The following NRXN1 variants were observed in gnomAD, a reference collection of about 807,000 sequenced individuals.
NRXN1 encodes the protein neurexin 1.
A neutral mutation model predicts 150.9 loss-of-function variants in NRXN1; 39 were observed. The ratio of observed to expected loss-of-function variants is 0.26; its 90% CI spans 0.20 to 0.34. The LOEUF (loss-of-function observed/expected upper bound fraction) is 0.34. Among genes scored for constraint, NRXN1 ranks in the 10% least tolerant of loss-of-function variants. NRXN1 has a pLI of 1.00. For synonymous variants in NRXN1, 924 were observed against 757.0 expected (o/e 1.22, Z -3.62); for missense variants, 1,815 against 1,949.9 (o/e 0.93, Z 1.30).
At chr2:50,657,423 C>T (rs1471543005) in intron 5 of NRXN1, among the ~76,000 whole-genome samples, 1 of 152,010 alleles carries the variant, frequency 6.6e-6, no homozygotes. Context: ...CATAGTTAAT[C>T]ACTCATGTTT....
At chr2:50,353,974 G>A (rs1272764093) in intron 17 of NRXN1, among the ~76,000 whole-genome samples, 3 of 152,138 alleles carry the variant, frequency 2.0e-5, no homozygotes, top group African/African-American at 7.2e-5. Context: ...TGCTGAAGCT[G>A]CTAGTCCAGG....
intron 5 of NRXN1, among the ~76,000 whole-genome samples, chr2:50,865,423 GA>G (rs1442338266): frequency 6.6e-6 from 1 of 151,762 alleles, no homozygotes; most frequent in Non-Finnish European, 1.5e-5. Flanking sequence ...TATAAAAAAG[GA>G]ATTGAGGCTC....
intron 5 of NRXN1, among the ~76,000 whole-genome samples, chr2:50,767,727 G>A (rs1003890248): frequency 6.6e-6 from 1 of 152,000 alleles, no homozygotes; most frequent in Non-Finnish European, 1.5e-5. Flanking sequence ...CACATGTTGA[G>A]TTTGTTCAAA....
chr2:50,312,423 G>T (rs990524998), intron 17 of NRXN1, among the ~76,000 whole-genome samples: 7 of 146,704 alleles, frequency 4.8e-5, no homozygotes, highest in Non-Finnish European at 9.1e-5. Context: ...TTCTTTGTGG[G>T]TTTTTTTTTT....
chr2:50,506,955 A>G (rs1404070942), intron 12 of NRXN1: 3 of 194,758 alleles, frequency 1.5e-5, no homozygotes, highest in Non-Finnish European at 3.1e-5. Context: ...AGCACTGGGA[A>G]CCCACCCAAA....
intron 16 of NRXN1, among the ~76,000 whole-genome samples, chr2:50,469,318 C>A (rs1001383937): frequency 1.3e-5 from 2 of 151,410 alleles, no homozygotes; most frequent in African/African-American, 4.8e-5. Flanking sequence ...ATAAAATGAA[C>A]CATTACTCCC....
At chr2:50,814,493 T>C (rs1668651956) in intron 5 of NRXN1, among the ~76,000 whole-genome samples, 2 of 152,066 alleles carry the variant, frequency 1.3e-5, no homozygotes, top group Non-Finnish European at 2.9e-5. Context: ...CAGAAAGAAG[T>C]TGGGTAGTAC....
At chr2:50,308,452 C>CA (rs1460540443) in intron 17 of NRXN1, among the ~76,000 whole-genome samples, 1 of 152,092 alleles carries the variant, frequency 6.6e-6, no homozygotes, top group Non-Finnish European at 1.5e-5. Flanking sequence ...CTCAGCCTCC[C>CA]AAGCAACTAG....
chr2:50,495,874 G>A lies in NRXN1; in HGVS notation c.3070+31C>T, dbSNP rs758362770. The A allele has an allele frequency of 2.6e-6, 4 of 1,543,522 alleles. No homozygotes were observed. In the Admixed American group the frequency reaches 7.6e-5, roughly 29 times the overall value. ...TGTGAAGGGAGACCGTGTGGTGCAA[G>A]GCTCGTTGCTCTGACTTAACATGCA... On this transcript the variant is annotated intron_variant, in intron 15 of 22. Transcript: ENST00000401669.
chr2:49,998,297 T>C (rs955960564), intron 21 of NRXN1, among the ~76,000 whole-genome samples: 1 of 152,152 alleles, frequency 6.6e-6, no homozygotes, highest in Non-Finnish European at 1.5e-5. Context: ...GACCCGTGAC[T>C]CCTGAAGTAG....
chr2:50,835,118 A>T (rs1671931630), intron 5 of NRXN1, among the ~76,000 whole-genome samples: 1 of 152,166 alleles, frequency 6.6e-6, no homozygotes, highest in South Asian at 2.1e-4. Flanking sequence ...TTCAGATGGG[A>T]TGTCTTCTAC....
At chr2:50,964,254 C>T (rs1227820599) in intron 2 of NRXN1, among the ~76,000 whole-genome samples, 1 of 151,366 alleles carries the variant, frequency 6.6e-6, no homozygotes, top group Non-Finnish European at 1.5e-5. Flanking sequence ...GAGTAAAAGT[C>T]AAGTAGTATT....
intron 17 of NRXN1, among the ~76,000 whole-genome samples, chr2:50,267,997 C>T (rs2069102037): frequency 6.6e-6 from 1 of 152,012 alleles, no homozygotes; most frequent in African/African-American, 2.4e-5. Flanking sequence ...TGCGACCAGC[C>T]TGGGTAACAT....
At chr2:50,487,636 T>C (rs2090971062) in intron 15 of NRXN1, among the ~76,000 whole-genome samples, 1 of 152,238 alleles carries the variant, frequency 6.6e-6, no homozygotes, top group Non-Finnish European at 1.5e-5. Context: ...TGTTGACCCA[T>C]GGCTCAAGAG....
intron 20 of NRXN1, among the ~76,000 whole-genome samples, chr2:50,054,519 C>T (rs1168922951): frequency 6.6e-6 from 1 of 152,092 alleles, no homozygotes; most frequent in Non-Finnish European, 1.5e-5. Flanking sequence ...ATATTGCCCA[C>T]TATTTAAGAT....
chr2:49,963,535 GGAAAGTAGAAT>G (rs1676379762), intron 21 of NRXN1, among the ~76,000 whole-genome samples: 1 of 152,140 alleles, frequency 6.6e-6, no homozygotes. Context: ...TTCATATTTA[GGAAAGTAGAAT>G]GAATCACGCA....
At position 50,091,411 on chromosome 2, in the gene NRXN1, C is replaced by G; in HGVS notation, c.3630G>C (p.Gly1210=). 6.2e-7 allele frequency: 1 copy of G among 1,614,212 alleles called. No individual in the cohort carries two copies. Among genetic ancestry groups the G allele is most frequent in the South Asian group, 1.1e-5 (1 of 91,088 alleles). ...IEESNAIIND[G]KYHVVRFTRS... ...TCGTGAAACGAACTACATGGTATTT[C>G]CCATCATTAATGATTGCATTGGATT... is the stretch of plus-strand genomic sequence containing the variant. Residue 1210 remains glycine (G), a synonymous_variant, in exon 19 of 23, where the codon GGG becomes GGC. Transcript: ENST00000401669.
intron 13 of NRXN1, among the ~76,000 whole-genome samples, chr2:50,500,470 AT>A (rs1264984798): frequency 6.6e-6 from 1 of 152,140 alleles, no homozygotes; most frequent in Non-Finnish European, 1.5e-5. Context: ...TTAAAAAATT[AT>A]TTTTTCTCAG....
intron 2 of NRXN1, among the ~76,000 whole-genome samples, chr2:50,984,324 T>C (rs1697339662): frequency 6.6e-6 from 1 of 151,604 alleles, no homozygotes; most frequent in Non-Finnish European, 1.5e-5. Context: ...TATGACTCTC[T>C]ATCTAAGAAT....
Sources: allele counts gnomAD v4.1 joint callset (sites outside exome capture counted in the v4.1 genomes callset), GRCh38; gene constraint gnomAD v4.1.1; transcripts MANE v1.5; gene names NCBI Gene and HGNC (gene_info 2026-07-23, HGNC 2026-07-21).